Variants in ZNF75D observed in about 807,000 individuals in gnomAD.
The protein encoded by ZNF75D is zinc finger protein 75D.
ZNF75D carries 33 observed loss-of-function variants against 33.3 expected under a neutral mutation model. That is an observed-to-expected ratio of 0.99 (90% CI 0.75 to 1.32). The LOEUF is 1.32. Among genes scored for constraint, ZNF75D ranks in the 40% most tolerant of loss-of-function variants. The pLI, the probability that ZNF75D is intolerant of heterozygous loss-of-function variation, is 0.00. For synonymous variants in ZNF75D, 113 were observed against 130.6 expected, an observed-to-expected ratio of 0.87 and a Z score of 0.92; for missense variants, 338 against 367.5, an observed-to-expected ratio of 0.92 and a Z score of 0.66.
At chrX:135,297,376 A>G (rs1569490787) in intron 1 of ZNF75D, 1 of 112,428 alleles carries the variant, frequency 8.9e-6, no homozygotes, top group Non-Finnish European at 1.9e-5. Context: ...TCATCAGAGC[A>G]TCGTCTTCAG....
chrX:135,286,086 G>C lies in ZNF75D; in HGVS notation c.*1051C>G, dbSNP rs1264146030. 1 of 112,193 alleles carries C rather than the reference G, an allele frequency of 8.9e-6. No homozygotes were observed. Among genetic ancestry groups the C allele is most frequent in the African/African-American group, 3.2e-5 (1 of 30,853 alleles). 9.2% of individuals were successfully genotyped at this position (112,193 alleles called of 1,213,427 possible). The stretch of plus-strand genomic sequence containing the variant: ...CTGGCATCATCACTGTGAGCCATAT[G>C]CCTTACTTTTCTCTGACACTTCAGG... On this transcript the variant is annotated 3_prime_UTR_variant, in exon 7 of 7. Transcript: ENST00000370766.
intron 1 of ZNF75D, among the ~76,000 whole-genome samples, chrX:135,256,263 C>T (rs1353365653): frequency 1.2e-5 from 1 of 86,247 alleles, no homozygotes; most frequent in Non-Finnish European, 2.3e-5. Flanking sequence ...TCTGGAACCA[C>T]CAATGCTACC....
chrX:135,309,298 G>A (rs2084328512), intron 1 of ZNF75D, among the ~76,000 whole-genome samples: 1 of 111,776 alleles, frequency 8.9e-6, no homozygotes, highest in African/African-American at 3.3e-5. Context: ...AGCCCCATGT[G>A]TGAGACAGAT....
chrX:135,329,318 C>T (rs183550291), intron 1 of ZNF75D, among the ~76,000 whole-genome samples: 1 of 112,107 alleles, frequency 8.9e-6, no homozygotes, highest in Non-Finnish European at 1.9e-5. Context: ...GAGTCTTACT[C>T]TGTAGCCCAA....
At chrX:135,261,314 T>C (rs1556415467) in intron 1 of ZNF75D, among the ~76,000 whole-genome samples, 1 of 112,385 alleles carries the variant, frequency 8.9e-6, no homozygotes, top group Non-Finnish European at 1.9e-5. Context: ...CTATCAGGTT[T>C]GCTTGTTGCA....
chrX:135,287,634 G>C lies in ZNF75D; in HGVS notation c.1036C>G (p.Gln346Glu). Residue 346 changes from glutamine to glutamate, a missense_variant, in exon 7 of 7, where the codon CAA becomes GAA. Physicochemically the swap from Gln to Glu is conservative, Grantham distance 29 (BLOSUM62 2). Transcript: ENST00000370766. The part of the protein sequence containing the change: ...KKRKKPATCK[Q>E]ELPKLMDLHG... Reference sequence around the variant, plus strand: ...AGATCCATAAGTTTTGGAAGCTCTTGTTTACAAGTTGCAGGTTTCTTTCTT... The same window carrying C: ...AGATCCATAAGTTTTGGAAGCTCTTCTTTACAAGTTGCAGGTTTCTTTCTT... 2.5e-6 allele frequency: 3 copies of C among 1,210,955 alleles called. No individual in the cohort carries two copies. Among genetic ancestry groups the C allele is most frequent in the Non-Finnish European group, 3.4e-6 (3 of 895,333 alleles).
chrX:135,336,824 C>T (rs782477764), intron 1 of ZNF75D, among the ~76,000 whole-genome samples: 8 of 112,322 alleles, frequency 7.1e-5, no homozygotes, highest in East Asian at 2.8e-4. Context: ...AGCCTTTGTT[C>T]GGGGATCCCT....
chrX:135,304,937 G>A (rs550911299), intron 1 of ZNF75D, among the ~76,000 whole-genome samples: 3 of 112,698 alleles, frequency 2.7e-5, no homozygotes, highest in African/African-American at 9.7e-5. Context: ...CTGCCTTGGA[G>A]GCCTTTTGTC....
intron 1 of ZNF75D, among the ~76,000 whole-genome samples, chrX:135,314,759 A>G (rs1258071469): frequency 8.9e-6 from 1 of 111,732 alleles, no homozygotes; most frequent in African/African-American, 3.3e-5. Flanking sequence ...CCCGTTTATG[A>G]GCATATAGGT....
chrX:135,315,807 G>C (rs1412191341), intron 1 of ZNF75D, among the ~76,000 whole-genome samples: 1 of 110,745 alleles, frequency 9.0e-6, no homozygotes, highest in Non-Finnish European at 1.9e-5. Context: ...TTTACTTTCA[G>C]TCATACATGT....
At position 135,267,277 on chromosome X, in the gene ZNF75D, C is replaced by T. The variant is rs1178833392; in HGVS notation, n.828-11500G>A. Among the ~76,000 whole-genome samples, 8 of 110,920 alleles carry T rather than the reference C, an allele frequency of 7.2e-5. No homozygotes were observed. In the South Asian group the frequency reaches 1.1e-3, roughly 15 times the overall value. On this transcript the variant is annotated intron_variant and non_coding_transcript_variant, in intron 1 of 3. Coordinates refer to the ZNF75D transcript ENST00000494295. ...TAATAAAAAGCAGAGCATAAATAAA[C>T]GAATGTGAAAAATGAAGAAAACAAT...
chrX:135,267,093 A>T (rs1432092033), intron 1 of ZNF75D, among the ~76,000 whole-genome samples: 2 of 111,679 alleles, frequency 1.8e-5, no homozygotes, highest in African/African-American at 6.5e-5. Flanking sequence ...ACATACCAAA[A>T]CATATGGGAT....
chrX:135,263,616 G>A (rs782385481), intron 1 of ZNF75D, among the ~76,000 whole-genome samples: 5 of 113,076 alleles, frequency 4.4e-5, no homozygotes, highest in East Asian at 5.6e-4. Flanking sequence ...TGTGGGACCC[G>A]CCAAGCCAGG....
chrX:135,258,139 A>C lies in ZNF75D; in HGVS notation n.828-2362T>G, dbSNP rs782575690. Among the ~76,000 whole-genome samples the C allele has an allele frequency of 4.6e-4, 46 of 100,814 alleles. 1 individual carries two copies. The highest frequency in any genetic ancestry group is 6.7e-4 in the Non-Finnish European group (31 of 46,383). 87.5% of individuals were successfully genotyped at this position (100,814 alleles called of 115,157 possible). A position where few individuals can be genotyped will look rare whatever the true frequency, so the allele number is the denominator to read the frequency against. ...CATCCATGTCCCTACAAAGGACATG[A>C]ACTCATCATTTTTTATGAATGCATA... On this transcript the variant is annotated intron_variant and non_coding_transcript_variant, in intron 1 of 3. Transcript: ENST00000494295.
intron 1 of ZNF75D, among the ~76,000 whole-genome samples, chrX:135,272,906 G>A (rs1448686293): frequency 1.8e-5 from 2 of 111,838 alleles, no homozygotes; most frequent in East Asian, 5.6e-4. Context: ...TTAAACCCCA[G>A]AAAATGTTGT....
chrX:135,338,685 T>G (rs1483308859), intron 1 of ZNF75D, among the ~76,000 whole-genome samples: 7 of 112,249 alleles, frequency 6.2e-5, no homozygotes, highest in Non-Finnish European at 9.4e-5. Flanking sequence ...TTTCTACTGA[T>G]AGAAGAAACT....
chrX:135,291,086 C>T lies in ZNF75D; in HGVS notation c.746G>A (p.Trp249Ter). 8.3e-7 allele frequency: 1 copy of T among 1,209,394 alleles called. No homozygotes were observed. Among genetic ancestry groups the T allele is most frequent in the Non-Finnish European group, 1.1e-6 (1 of 893,250 alleles). ...DVAVYFSEEE[W>*]QLLNPLEKTL... ...CTTCTCAAGAGGATTCAATAATTGC[C>T]ACTCTTCCTCAGAAAAATACACAGC... The change falls in exon 6 of 7, where the codon TGG (tryptophan) becomes TAG (stop). Residue 249 changes from tryptophan (W) to a stop codon, truncating the protein, a stop_gained. Transcript: ENST00000370766. LOFTEE classifies it high-confidence loss of function.
chrX:135,263,650 G>A (rs1011407215), intron 1 of ZNF75D, among the ~76,000 whole-genome samples: 1 of 113,090 alleles, frequency 8.8e-6, no homozygotes, highest in Non-Finnish European at 1.9e-5. Flanking sequence ...CACCTTGTCT[G>A]CCAGTTGCTA....
chrX:135,300,908 C>A (rs782126420), intron 1 of ZNF75D, among the ~76,000 whole-genome samples: 1 of 111,865 alleles, frequency 8.9e-6, no homozygotes, highest in South Asian at 3.8e-4. Context: ...TTATGCTGAA[C>A]CATATGCATG....
Sources: gnomAD v4.1 joint callset for allele counts (sites outside exome capture counted in the v4.1 genomes callset) on GRCh38, gnomAD v4.1.1 for gene constraint, MANE v1.5 for transcripts, NCBI Gene and HGNC (gene_info 2026-07-23, HGNC 2026-07-21) for gene names.